The following GOLGA4 variants were observed in gnomAD, a reference collection of about 807,000 sequenced individuals.
GOLGA4 encodes the protein golgin subfamily A member 4.
Under a neutral mutation model 265.9 loss-of-function variants are expected in GOLGA4, and 169 were observed. The ratio of observed to expected loss-of-function variants is 0.64; its 90% CI spans 0.56 to 0.72. The LOEUF (loss-of-function observed/expected upper bound fraction) is 0.72. Ranked by LOEUF, GOLGA4 falls within the 30% of genes least tolerant of loss-of-function variation. The pLI, the probability that GOLGA4 is intolerant of heterozygous loss-of-function variation, is 0.00. For missense variants in GOLGA4, 2,482 were observed against 2,483.4 expected (o/e 1.00, Z 0.01); for synonymous variants, 923 against 855.8 (o/e 1.08, Z -1.37).
chr3:37,314,814 C>T (rs1025078400), intron 10 of GOLGA4, among the ~76,000 whole-genome samples: 2 of 152,136 alleles, frequency 1.3e-5, no homozygotes, highest in Non-Finnish European at 2.9e-5. Flanking sequence ...AGATTTCTTT[C>T]TGGTCACCTG....
chr3:37,285,293 A>G (rs931286909), intron 3 of GOLGA4, among the ~76,000 whole-genome samples: 3 of 151,944 alleles, frequency 2.0e-5, no homozygotes, highest in Non-Finnish European at 4.4e-5. Context: ...GAGCCACTGC[A>G]CCTGGTCCTA....
At chr3:37,299,839 C>G (rs1254033072) in intron 9 of GOLGA4, among the ~76,000 whole-genome samples, 1 of 150,040 alleles carries the variant, frequency 6.7e-6, no homozygotes, top group African/African-American at 2.5e-5. Flanking sequence ...TGCTTGAAGC[C>G]AGAAGTTCAA....
At chr3:37,285,365 G>T (rs887330666) in intron 3 of GOLGA4, among the ~76,000 whole-genome samples, 2 of 152,110 alleles carry the variant, frequency 1.3e-5, no homozygotes, top group African/African-American at 4.8e-5. Flanking sequence ...TTTCATTAGG[G>T]TGTGCTAGAA....
intron 22 of GOLGA4, among the ~76,000 whole-genome samples, chr3:37,360,501 T>A (rs1696168894): frequency 6.6e-6 from 1 of 152,198 alleles, no homozygotes; most frequent in Non-Finnish European, 1.5e-5. Flanking sequence ...AATAAAATGA[T>A]GTTTCTGAGG....
chr3:37,273,519 T>C (rs1051370546), intron 2 of GOLGA4: 3 of 1,426,258 alleles, frequency 2.1e-6, no homozygotes, highest in Non-Finnish European at 2.9e-6. Context: ...TTTACAATGT[T>C]TCTTTCTTTT....
intron 2 of GOLGA4, among the ~76,000 whole-genome samples, chr3:37,267,632 C>T (rs1192098664): frequency 6.6e-6 from 1 of 152,180 alleles, no homozygotes; most frequent in Non-Finnish European, 1.5e-5. Context: ...TGGTGTTAAA[C>T]ACTGACTCTA....
At chr3:37,246,784 T>G (rs1026805464) in intron 1 of GOLGA4, among the ~76,000 whole-genome samples, 1 of 152,184 alleles carries the variant, frequency 6.6e-6, no homozygotes, top group South Asian at 2.1e-4. Context: ...TGTATATTTT[T>G]AAAAAATCAA....
chr3:37,320,411 C>T (rs2096951560), intron 12 of GOLGA4: 1 of 151,878 alleles, frequency 6.6e-6, no homozygotes, highest in African/African-American at 2.4e-5. Flanking sequence ...TTGTTGTTTT[C>T]ACTCTTAGTT....
chr3:37,286,348 T>C (rs796911224), intron 4 of GOLGA4, among the ~76,000 whole-genome samples: 10 of 150,882 alleles, frequency 6.6e-5, no homozygotes, highest in African/African-American at 2.2e-4. Flanking sequence ...AGAGACGGGG[T>C]TTCACCTTGT....
chr3:37,243,279 T>G lies in GOLGA4; in HGVS notation c.-272T>G. 1.9e-6 allele frequency: 1 copy of G among 527,122 alleles called. No individual in the cohort carries two copies. The highest frequency in any genetic ancestry group is 3.4e-6 in the Non-Finnish European group (1 of 297,338). 32.7% of individuals were successfully genotyped at this position (527,122 alleles called of 1,614,324 possible). ...AAGCGCCCTTGGCGCACAGTTCACC[T>G]GCTGCCGTTGTCGTCGCCGCCGCGG... On this transcript the variant is annotated 5_prime_UTR_variant, in exon 1 of 24. Transcript: ENST00000361924.
intron 16 of GOLGA4, among the ~76,000 whole-genome samples, chr3:37,332,175 C>T (rs2096992725): frequency 6.6e-6 from 1 of 152,194 alleles, no homozygotes; most frequent in Non-Finnish European, 1.5e-5. Flanking sequence ...ACAGTGATAC[C>T]TCGTCTAGTT....
chr3:37,334,530 C>T (rs754003903), intron 16 of GOLGA4, among the ~76,000 whole-genome samples: 7 of 152,008 alleles, frequency 4.6e-5, no homozygotes, highest in African/African-American at 1.7e-4. Context: ...CTGAAAACCC[C>T]GTAACTTCTG....
chr3:37,248,727 A>AT (rs149623421), intron 1 of GOLGA4, among the ~76,000 whole-genome samples: 4,336 of 152,110 alleles, frequency 0.029, 184 homozygotes, highest in African/African-American at 0.098. Flanking sequence ...CCGTTATTTG[A>AT]TTTTTTTGTC....
At chr3:37,282,512 C>T (rs1454805449) in intron 3 of GOLGA4, among the ~76,000 whole-genome samples, 1 of 152,146 alleles carries the variant, frequency 6.6e-6, no homozygotes, top group Non-Finnish European at 1.5e-5. Context: ...TTGTCTGTAG[C>T]CTTCTGGTTC....
At chr3:37,343,217 G>A (rs2097043886) in intron 20 of GOLGA4, among the ~76,000 whole-genome samples, 1 of 152,248 alleles carries the variant, frequency 6.6e-6, no homozygotes, top group South Asian at 2.1e-4. Flanking sequence ...CACCTCCCGG[G>A]TTCAAGCAAT....
rs2096970214 is a variant in GOLGA4 at position 37,326,179 on chromosome 3, T to C, written c.4293T>C (p.Ala1431=). The C allele has an allele frequency of 6.2e-7, 1 of 1,613,488 alleles. No individual in the cohort carries two copies. Among genetic ancestry groups the C allele is most frequent in the Non-Finnish European group, 8.5e-7 (1 of 1,179,524 alleles). Residue 1431 remains alanine (A), a synonymous_variant, in exon 14 of 24, where the codon GCT becomes GCC. Transcript: ENST00000361924. The part of the protein sequence containing the change: ...VDTLSKEKIS[A]LEQVDDWSNK... ...CTCTGAGTAAAGAGAAAATTTCTGC[T>C]CTTGAGCAGGTAGATGACTGGTCCA...
At chr3:37,271,671 T>C (rs561300450) in intron 2 of GOLGA4, among the ~76,000 whole-genome samples, 1 of 152,236 alleles carries the variant, frequency 6.6e-6, no homozygotes, top group East Asian at 1.9e-4. Flanking sequence ...TCCCACCCCA[T>C]TGGATATTTG....
chr3:37,299,302 C>G lies in GOLGA4; in HGVS notation c.1017C>G (p.Ala339=). Residue 339 remains alanine (A), a synonymous_variant, in exon 9 of 24, where the codon GCC becomes GCG. Coordinates refer to ENST00000361924, the MANE Select transcript of GOLGA4 (RefSeq NM_002078.5). ...ELEKIKDLHM[A]EKTKLITQLR... The stretch of plus-strand genomic sequence containing the variant: ...ATTTTTTTTAGGACCTTCATATGGC[C>G]GAGAAGACTAAACTTATCACTCAGT... The G allele has an allele frequency of 1.2e-6, 2 of 1,610,636 alleles. No individual in the cohort carries two copies. The highest frequency in any genetic ancestry group is 1.7e-4 in the Middle Eastern group (1 of 6,046).
intron 23 of GOLGA4, among the ~76,000 whole-genome samples, chr3:37,362,781 T>C (rs796938243): frequency 5.4e-4 from 52 of 95,798 alleles, no homozygotes; most frequent in South Asian, 2.6e-3. Context: ...GCCTCTAAGC[T>C]TTTTTTTTTT....
Sources: allele counts gnomAD v4.1 joint callset (sites outside exome capture counted in the v4.1 genomes callset), GRCh38; gene constraint gnomAD v4.1.1; transcripts MANE v1.5; gene names NCBI Gene and HGNC (gene_info 2026-07-23, HGNC 2026-07-21).